The following TMEM178B variants were observed in gnomAD, a reference collection of about 807,000 sequenced individuals.
TMEM178B encodes the protein transmembrane protein 178B.
In TMEM178B, 5 loss-of-function variants were observed where a neutral mutation model predicts 31.0. The ratio of observed to expected loss-of-function variants is 0.16; its 90% CI spans 0.08 to 0.34. The LOEUF (loss-of-function observed/expected upper bound fraction) is 0.34. Among genes scored for constraint, TMEM178B ranks in the 10% least tolerant of loss-of-function variants. TMEM178B has a pLI of 1.00. For synonymous variants in TMEM178B, 164 were observed against 164.0 expected, an observed-to-expected ratio of 1.00 and a Z score of 0.00; for missense variants, 275 against 400.3, an observed-to-expected ratio of 0.69 and a Z score of 2.67.
At chr7:141,250,077 T>G (rs1797805384) in intron 2 of TMEM178B, among the ~76,000 whole-genome samples, 1 of 152,190 alleles carries the variant, frequency 6.6e-6, no homozygotes. Flanking sequence ...TAAAAATAAC[T>G]AATTTTTTTT....
At chr7:141,230,433 G>A (rs908968222) in intron 2 of TMEM178B, among the ~76,000 whole-genome samples, 1 of 152,162 alleles carries the variant, frequency 6.6e-6, no homozygotes, top group Non-Finnish European at 1.5e-5. Context: ...TTGAATTTAA[G>A]AAATGGTTAT....
intron 2 of TMEM178B, among the ~76,000 whole-genome samples, chr7:141,227,912 A>G (rs1797372778): frequency 6.6e-6 from 1 of 152,234 alleles, no homozygotes; most frequent in African/African-American, 2.4e-5. Flanking sequence ...ATTTATCAGC[A>G]CTAACTATGG....
At chr7:141,262,474 AATATATATATAT>A (rs10570183) in intron 2 of TMEM178B, among the ~76,000 whole-genome samples, 10 of 131,864 alleles carry the variant, frequency 7.6e-5, no homozygotes, top group African/African-American at 1.8e-4. Context: ...AAATACATAT[AATATATATATAT>A]ATATATATAT....
intron 1 of TMEM178B, among the ~76,000 whole-genome samples, chr7:141,201,403 T>C (rs1796875872): frequency 6.6e-6 from 1 of 152,030 alleles, no homozygotes; most frequent in Admixed American, 6.6e-5. Flanking sequence ...AGCCGGGAAG[T>C]GTTCAGCTGG....
chr7:141,254,099 A>G (rs1797882443), intron 2 of TMEM178B, among the ~76,000 whole-genome samples: 1 of 152,232 alleles, frequency 6.6e-6, no homozygotes, highest in Non-Finnish European at 1.5e-5. Flanking sequence ...ATAGTAAAGT[A>G]GAAGAGAATC....
At chr7:141,304,314 A>G (rs1414410472) in intron 2 of TMEM178B, among the ~76,000 whole-genome samples, 1 of 152,186 alleles carries the variant, frequency 6.6e-6, no homozygotes, top group Non-Finnish European at 1.5e-5. Flanking sequence ...GGGGGTGGGC[A>G]GAGTGGTCAC....
chr7:141,278,175 A>C (rs185973885), intron 2 of TMEM178B, among the ~76,000 whole-genome samples: 59 of 152,366 alleles, frequency 3.9e-4, no homozygotes, highest in African/African-American at 1.4e-3. Context: ...AAATATACAC[A>C]ATCTCAAGCT....
the TMEM178B span, among the ~76,000 whole-genome samples, chr7:141,501,490 G>A: frequency 1.3e-5 from 2 of 152,142 alleles, no homozygotes; most frequent in Non-Finnish European, 2.9e-5. Context: ...CTAATTTTAT[G>A]TGTCAACTTG....
chr7:141,275,365 A>G (rs1488142293), intron 2 of TMEM178B, among the ~76,000 whole-genome samples: 1 of 152,210 alleles, frequency 6.6e-6, no homozygotes, highest in Non-Finnish European at 1.5e-5. Flanking sequence ...GTTTTTATGA[A>G]TGTATACAAC....
At chr7:141,262,469 CATATAATATATATAT>C (rs1475763776) in intron 2 of TMEM178B, among the ~76,000 whole-genome samples, 13 of 90,478 alleles carry the variant, frequency 1.4e-4, no homozygotes, top group African/African-American at 5.5e-4. Context: ...TTGATAAATA[CATATAATATATATAT>C]ATATATATAT....
chr7:141,346,866 A>T (rs73518802), intron 2 of TMEM178B, among the ~76,000 whole-genome samples: 4,747 of 152,134 alleles, frequency 0.031, 239 homozygotes, highest in African/African-American at 0.11. Context: ...CCCAAATCTC[A>T]TGTGGAATTG....
intron 2 of TMEM178B, among the ~76,000 whole-genome samples, chr7:141,430,922 C>T (rs1801413597): frequency 6.6e-6 from 1 of 152,176 alleles, no homozygotes; most frequent in Admixed American, 6.5e-5. Context: ...GCAGCTAACA[C>T]CCTCCTGCTT....
intron 3 of TMEM178B, among the ~76,000 whole-genome samples, chr7:141,438,008 G>A (rs1424811165): frequency 6.6e-6 from 1 of 152,184 alleles, no homozygotes; most frequent in Admixed American, 6.5e-5. Context: ...AGACACTTAC[G>A]GAGATGATCA....
intron 2 of TMEM178B, among the ~76,000 whole-genome samples, chr7:141,327,917 G>A (rs6962666): frequency 0.094 from 14,353 of 152,166 alleles, 1,452 homozygotes; most frequent in African/African-American, 0.26. Flanking sequence ...TCAGTAACAC[G>A]TTGGAGAGGC....
At chr7:141,298,665 A>G (rs1798674933) in intron 2 of TMEM178B, among the ~76,000 whole-genome samples, 1 of 152,242 alleles carries the variant, frequency 6.6e-6, no homozygotes, top group Non-Finnish European at 1.5e-5. Context: ...GGTCAGTACT[A>G]TCTCAAGGAT....
intron 1 of TMEM178B, among the ~76,000 whole-genome samples, chr7:141,150,950 T>C (rs918000369): frequency 7.9e-5 from 12 of 152,180 alleles, no homozygotes; most frequent in African/African-American, 2.9e-4. Flanking sequence ...TCTAGATGCA[T>C]GATTAAATGA....
In TMEM178B at chr7:141,478,695, A is replaced by G. The variant is rs1003012954; in HGVS notation, c.*7909A>G. 1 of 152,180 alleles carries G rather than the reference A, an allele frequency of 6.6e-6. No homozygotes were observed. The allele number at this position is 152,180 out of a possible 1,614,324, so 9.4% of individuals were successfully genotyped here. Reference sequence around the variant, plus strand: ...GGATATTTTACATTCTTTTTTCCAAATGAAGTCTTCAAAATCCAATGTGAT... The same window carrying G: ...GGATATTTTACATTCTTTTTTCCAAGTGAAGTCTTCAAAATCCAATGTGAT... On this transcript the variant is annotated 3_prime_UTR_variant, in exon 4 of 4. Coordinates refer to ENST00000565468, the MANE Select transcript of TMEM178B (RefSeq NM_001195278.2).
chr7:141,442,271 G>A (rs113314044), intron 3 of TMEM178B, among the ~76,000 whole-genome samples: 2,205 of 152,122 alleles, frequency 0.014, 53 homozygotes, highest in African/African-American at 0.047. Context: ...CCTCCTCCCC[G>A]AATCAGGTCT....
chr7:141,258,429 T>C (rs983111503), intron 2 of TMEM178B, among the ~76,000 whole-genome samples: 1 of 152,214 alleles, frequency 6.6e-6, no homozygotes, highest in Admixed American at 6.5e-5. Flanking sequence ...GGGCCACATG[T>C]GGCCTGTGGG....
Sources: allele counts gnomAD v4.1 joint callset (sites outside exome capture counted in the v4.1 genomes callset), GRCh38; gene constraint gnomAD v4.1.1; transcripts MANE v1.5; gene names NCBI Gene and HGNC (gene_info 2026-07-23, HGNC 2026-07-21).